The following PCCA variants were observed in gnomAD, a reference collection of about 807,000 sequenced individuals.
PCCA encodes propionyl-CoA carboxylase subunit alpha, also known as propionyl-CoA carboxylase alpha chain, mitochondrial.
Under a neutral mutation model 101.3 loss-of-function variants are expected in PCCA, and 74 were observed. The ratio of observed to expected loss-of-function variants is 0.73; its 90% CI spans 0.61 to 0.89. The LOEUF is 0.89. Ranked by LOEUF, PCCA falls within the 40% of genes least tolerant of loss-of-function variation. The pLI is 0.00. For missense variants in PCCA, 891 were observed against 907.0 expected (o/e 0.98, Z 0.23); for synonymous variants, 294 against 313.6 (o/e 0.94, Z 0.66).
chr13:100,360,291 G>A (rs1191289326), intron 18 of PCCA, among the ~76,000 whole-genome samples: 10 of 151,794 alleles, frequency 6.6e-5, no homozygotes, highest in South Asian at 2.1e-4. Flanking sequence ...CCCATAACAC[G>A]TGGGAATTCA....
At chr13:100,364,837 G>A (rs1468961689) in intron 18 of PCCA, among the ~76,000 whole-genome samples, 1 of 152,040 alleles carries the variant, frequency 6.6e-6, no homozygotes. Context: ...GATCCCTTGA[G>A]GCCAGGAATT....
intron 12 of PCCA, among the ~76,000 whole-genome samples, 184 bp from the exon 13 acceptor site, chr13:100,301,276 G>T (rs1325374275): frequency 1.3e-5 from 2 of 152,136 alleles, no homozygotes; most frequent in African/African-American, 2.4e-5. Flanking sequence ...TTTTTCTTAT[G>T]ATTTGTGTAT....
In PCCA at chr13:100,155,214, G is replaced by A. The variant is rs2053758475; in HGVS notation, c.414+122G>A. Reference sequence around the variant, plus strand: ...GAAAATGCTGTTGCAGTTAGTTCATGTCACATGAGTTAAATGTGGTCGAAT... The same window carrying A: ...GAAAATGCTGTTGCAGTTAGTTCATATCACATGAGTTAAATGTGGTCGAAT... On this transcript the variant is annotated intron_variant, in intron 5 of 23. Transcript: ENST00000376285. 3 of 731,700 alleles carry A rather than the reference G, an allele frequency of 4.1e-6. No individual in the cohort carries two copies. The East Asian group carries it at 8.1e-5, about 20-fold the overall frequency. The allele number at this position is 731,700 out of a possible 1,614,324, so 45.3% of individuals were successfully genotyped here.
intron 20 of PCCA, 22 bp downstream of exon 20, chr13:100,425,753 T>G: frequency 6.7e-7 from 1 of 1,489,056 alleles, no homozygotes; most frequent in East Asian, 2.3e-5. Flanking sequence ...AAGGATTTCC[T>G]TAGAGGGCCT....
intron 6 of PCCA, among the ~76,000 whole-genome samples, chr13:100,168,144 A>T (rs1371719124): frequency 1.3e-5 from 2 of 152,176 alleles, no homozygotes; most frequent in Non-Finnish European, 2.9e-5. Flanking sequence ...TCTAGTGTTC[A>T]TTCTTCAGTT....
intron 4 of PCCA, among the ~76,000 whole-genome samples, chr13:100,130,919 T>C (rs925375333): frequency 1.3e-5 from 2 of 152,208 alleles, no homozygotes; most frequent in Non-Finnish European, 2.9e-5. Context: ...AAGAAGTGTT[T>C]CCATGTATCA....
chr13:100,190,920 C>A (rs957731396), intron 6 of PCCA, among the ~76,000 whole-genome samples: 2 of 152,066 alleles, frequency 1.3e-5, no homozygotes, highest in Admixed American at 1.3e-4. Flanking sequence ...CATGGTGAAA[C>A]CCCATCTCTA....
chr13:100,180,696 C>T (rs540864754), intron 6 of PCCA, among the ~76,000 whole-genome samples: 1 of 152,334 alleles, frequency 6.6e-6, no homozygotes, highest in Non-Finnish European at 1.5e-5. Context: ...ATTACTAATA[C>T]GCTTCTTTGA....
intron 21 of PCCA, among the ~76,000 whole-genome samples, chr13:100,485,167 G>C (rs933601430): frequency 5.3e-5 from 8 of 152,322 alleles, no homozygotes; most frequent in East Asian, 1.9e-4. Context: ...GTGTAGAAGA[G>C]AAAAGCTGTT....
intron 18 of PCCA, among the ~76,000 whole-genome samples, chr13:100,364,398 A>G (rs2152805959): frequency 6.6e-6 from 1 of 152,350 alleles, no homozygotes; most frequent in Non-Finnish European, 1.5e-5. Context: ...TGTGCTGGTT[A>G]AATTAATAAG....
intron 6 of PCCA, among the ~76,000 whole-genome samples, chr13:100,200,948 T>C (rs1321639934): frequency 2.0e-5 from 3 of 152,134 alleles, no homozygotes; most frequent in Non-Finnish European, 4.4e-5. Flanking sequence ...TCTTCATTCT[T>C]CTGGATTCAG....
At chr13:100,440,018 TC>T (rs938320198) in intron 20 of PCCA, among the ~76,000 whole-genome samples, 1 of 151,676 alleles carries the variant, frequency 6.6e-6, no homozygotes, top group Non-Finnish European at 1.5e-5. Flanking sequence ...ATTGAATAGG[TC>T]TTTGATATTC....
chr13:100,092,928 A>C (rs1166121242), intron 1 of PCCA, among the ~76,000 whole-genome samples: 2 of 152,186 alleles, frequency 1.3e-5, no homozygotes, highest in Non-Finnish European at 2.9e-5. Flanking sequence ...ATGTTTATAG[A>C]CATTTATATA....
At chr13:100,395,213 A>C (rs1183889915) in intron 19 of PCCA, among the ~76,000 whole-genome samples, 1 of 152,256 alleles carries the variant, frequency 6.6e-6, no homozygotes, top group Non-Finnish European at 1.5e-5. Flanking sequence ...CTGAAAACAC[A>C]TAGTAATATA....
Position 100,369,879 on chromosome 13 carries a change from TA to T in PCCA, c.1746+1306del, listed in dbSNP as rs916375016. On this transcript the variant is annotated intron_variant, in intron 19 of 23. Transcript: ENST00000376285. ...GGAATTGAATAGTAAAGAGTATCAA[TA>T]TTACAATGTAGCATTTTTTTTTCTG... Among the ~76,000 whole-genome samples, 79 of 152,202 alleles carry T rather than the reference TA, an allele frequency of 5.2e-4. 1 individual carries two copies. Among genetic ancestry groups the T allele is most frequent in the Admixed American group, 1.5e-3 (23 of 15,286 alleles).
In PCCA at chr13:100,222,108, C is replaced by G. The variant is rs2059854104; in HGVS notation, c.600+12645C>G. Among the ~76,000 whole-genome samples, 3 of 151,648 alleles carry G rather than the reference C, an allele frequency of 2.0e-5. No individual in the cohort carries two copies. The South Asian group carries it at 6.3e-4, about 32-fold the overall frequency. On this transcript the variant is annotated intron_variant, in intron 7 of 23. Transcript: ENST00000376285. ...CCAGACTGGAGTACAGTGGCACAAT[C>G]TGGACTCACTCCATCCCCGCCCCCT...
chr13:100,348,548 T>C (rs373309007), intron 18 of PCCA, among the ~76,000 whole-genome samples: 1 of 152,198 alleles, frequency 6.6e-6, no homozygotes, highest in East Asian at 1.9e-4. Context: ...AATGATTTTG[T>C]TGACATTGTA....
intron 16 of PCCA, among the ~76,000 whole-genome samples, chr13:100,322,956 T>C (rs920909597): frequency 2.6e-5 from 4 of 152,252 alleles, no homozygotes; most frequent in African/African-American, 9.6e-5. Flanking sequence ...CAAGAGCAGG[T>C]ACCATATTGT....
chr13:100,191,381 A>G (rs1033649109), intron 6 of PCCA, among the ~76,000 whole-genome samples: 1 of 152,202 alleles, frequency 6.6e-6, no homozygotes, highest in Non-Finnish European at 1.5e-5. Context: ...TCAGCAGCCA[A>G]TAGTGGTGTG....
Sources: gnomAD v4.1 joint callset for allele counts (sites outside exome capture counted in the v4.1 genomes callset) on GRCh38, gnomAD v4.1.1 for gene constraint, MANE v1.5 for transcripts, NCBI Gene and HGNC (gene_info 2026-07-23, HGNC 2026-07-21) for gene names.